MED13L: variants seen among roughly 807,000 people sequenced by gnomAD.
MED13L encodes the protein mediator of RNA polymerase II transcription subunit 13-like.
In MED13L, 7 loss-of-function variants were observed where a neutral mutation model predicts 220.9. That is an observed-to-expected ratio of 0.03 (90% CI 0.02 to 0.06). The LOEUF (loss-of-function observed/expected upper bound fraction) is 0.06. Among genes scored for constraint, MED13L ranks in the 10% least tolerant of loss-of-function variants. The pLI, the probability that MED13L is intolerant of heterozygous loss-of-function variation, is 1.00. For synonymous variants in MED13L, 1,011 were observed against 1,015.2 expected (o/e 1.00, Z 0.08); for missense variants, 1,965 against 2,760.5 (o/e 0.71, Z 6.46).
At chr12:116,252,055 T>C (rs1871612885) in intron 1 of MED13L, among the ~76,000 whole-genome samples, 1 of 151,830 alleles carries the variant, frequency 6.6e-6, no homozygotes, top group Non-Finnish European at 1.5e-5. Flanking sequence ...AGGAAAAACA[T>C]CTGAAAAAGA....
chr12:116,010,293 G>C (rs2137393146), intron 9 of MED13L, among the ~76,000 whole-genome samples: 1 of 152,316 alleles, frequency 6.6e-6, no homozygotes, highest in South Asian at 2.1e-4. Flanking sequence ...TGGTACCACA[G>C]TAACATGTGA....
rs753935595 is a variant in MED13L, at chr12:115,983,095, T to C, written c.4955+22A>G. 1.2e-5 allele frequency: 20 copies of C among 1,610,690 alleles called. No homozygotes were observed. The South Asian group carries it at 1.4e-4, about 12-fold the overall frequency. On this transcript the variant is annotated intron_variant, in intron 21 of 30. Transcript: ENST00000281928. The stretch of plus-strand genomic sequence containing the variant: ...AAAGGGTCTGAGCTGAAGCCACTCA[T>C]CTCAATTAGTGAATAACATACCTCT...
chr12:116,176,594 G>A (rs1326892230), intron 2 of MED13L, among the ~76,000 whole-genome samples: 1 of 152,106 alleles, frequency 6.6e-6, no homozygotes, highest in Non-Finnish European at 1.5e-5. Flanking sequence ...ATTGCCAAGG[G>A]TTGAGGATAA....
chr12:116,231,808 A>T (rs1368311264), intron 2 of MED13L, among the ~76,000 whole-genome samples: 1 of 152,190 alleles, frequency 6.6e-6, no homozygotes. Context: ...GTTTAGGTGG[A>T]AAAAGAGGCA....
At chr12:116,275,416 A>T (rs1051611209) in intron 1 of MED13L, among the ~76,000 whole-genome samples, 42 of 152,186 alleles carry the variant, frequency 2.8e-4, no homozygotes, top group African/African-American at 9.4e-4. Context: ...ATTTAAAAAA[A>T]TTTACCTGAT....
Position 116,003,094 on chromosome 12 carries a change from T to A in MED13L, c.2478A>T (p.Ser826=). The A allele has an allele frequency of 6.2e-7, 1 of 1,613,874 alleles. No individual in the cohort carries two copies. Among genetic ancestry groups the A allele is most frequent in the East Asian group, 2.2e-5 (1 of 44,872 alleles). The change falls in exon 14 of 31, where the codon TCA becomes TCT. Residue 826 remains serine, a synonymous_variant. Transcript: ENST00000281928. The stretch of plus-strand genomic sequence containing the variant: ...GCATTTTTGATGAGCGCAGAGCAGG[T>A]GATACAGCCTAAGAACAGACGGTGT... ...NSDDDELGAV[S]PALRSSKMPA...
intron 2 of MED13L, among the ~76,000 whole-genome samples, chr12:116,154,662 T>C (rs1404855611): frequency 3.3e-5 from 5 of 152,190 alleles, no homozygotes; most frequent in African/African-American, 9.6e-5. Context: ...CTCAATAAAA[T>C]GTCAAGTACC....
intron 2 of MED13L, among the ~76,000 whole-genome samples, chr12:116,137,296 TACTC>T (rs1404769164): frequency 1.3e-5 from 2 of 152,218 alleles, no homozygotes; most frequent in Non-Finnish European, 2.9e-5. Flanking sequence ...AGCTATCAAT[TACTC>T]AGTGATAATT....
intron 4 of MED13L, among the ~76,000 whole-genome samples, chr12:116,055,580 T>C (rs539066070): frequency 7.9e-5 from 12 of 152,296 alleles, no homozygotes; most frequent in East Asian, 3.9e-4. Flanking sequence ...ATGCATTTCA[T>C]AGCTGGGAAG....
intron 2 of MED13L, among the ~76,000 whole-genome samples, chr12:116,155,563 T>C (rs1468913821): frequency 6.6e-6 from 1 of 152,170 alleles, no homozygotes; most frequent in Non-Finnish European, 1.5e-5. Context: ...GTATTTCACG[T>C]TTTCTCATGA....
intron 2 of MED13L, among the ~76,000 whole-genome samples, chr12:116,139,163 CCT>C (rs767379943): frequency 1.4e-4 from 22 of 152,100 alleles, no homozygotes; most frequent in East Asian, 5.8e-4. Context: ...GCAAAGACCC[CCT>C]GAGTCAAGAA....
chr12:115,992,069 A>C (rs1592924654), intron 16 of MED13L, 112 bp from the exon 17 acceptor site: 3 of 941,588 alleles, frequency 3.2e-6, no homozygotes, highest in Non-Finnish European at 5.0e-6. Flanking sequence ...TGTTTCTGCT[A>C]TCACTGGGAT....
intron 13 of MED13L, among the ~76,000 whole-genome samples, chr12:116,004,496 T>C (rs1878928332): frequency 6.6e-6 from 1 of 152,118 alleles, no homozygotes; most frequent in Admixed American, 6.6e-5. Flanking sequence ...AAAATAGCCC[T>C]TCTGCCAGTT....
Position 115,997,237 on chromosome 12 carries a change from A to G in MED13L, c.2570-7T>C, listed in dbSNP as rs768826816. On this transcript the variant is annotated splice_polypyrimidine_tract_variant and splice_region_variant and intron_variant, in intron 14 of 30. Coordinates refer to ENST00000281928, the MANE Select transcript of MED13L (RefSeq NM_015335.5). Reference sequence around the variant, plus strand: ...CTTTGCAAGTCTGCAACTGCTAAAAATAAGAAATAAAAAAAATTTGTTTAA... The same window carrying G: ...CTTTGCAAGTCTGCAACTGCTAAAAGTAAGAAATAAAAAAAATTTGTTTAA... 3.3e-5 allele frequency: 53 copies of G among 1,613,216 alleles called. No individual in the cohort carries two copies. Among genetic ancestry groups the G allele is most frequent in the Admixed American group, 1.3e-4 (8 of 59,982 alleles).
intron 3 of MED13L, among the ~76,000 whole-genome samples, chr12:116,102,703 CTTTTTTCTTTTTTTTTTT>C (rs1450926962): frequency 1.6e-5 from 1 of 63,204 alleles, no homozygotes; most frequent in African/African-American, 5.4e-5. Flanking sequence ...TTTTCTTTTT[CTTTTTTCTTTTTTTTTTT>C]TTTTTTTTTT....
intron 4 of MED13L, among the ~76,000 whole-genome samples, chr12:116,082,924 A>G (rs1871328389): frequency 6.6e-6 from 1 of 152,224 alleles, no homozygotes; most frequent in Non-Finnish European, 1.5e-5. Context: ...ACATCAAATG[A>G]TTTGAAAGAG....
chr12:116,203,377 T>C (rs1882120861), intron 2 of MED13L, among the ~76,000 whole-genome samples: 1 of 151,976 alleles, frequency 6.6e-6, no homozygotes, highest in Non-Finnish European at 1.5e-5. Context: ...AACAGTAACT[T>C]TTCTGAAGCT....
At chr12:116,128,925 C>A (rs1330677205) in intron 2 of MED13L, among the ~76,000 whole-genome samples, 1 of 151,906 alleles carries the variant, frequency 6.6e-6, no homozygotes, top group African/African-American at 2.4e-5. Context: ...CTTTTATTTT[C>A]CCTTGAAGAA....
chr12:116,137,028 T>C (rs535483515), intron 2 of MED13L, among the ~76,000 whole-genome samples: 2 of 152,346 alleles, frequency 1.3e-5, no homozygotes, highest in East Asian at 1.9e-4. Context: ...TGTGTTGGAA[T>C]AGTCTTCTCC....
Sources: gnomAD v4.1 joint callset for allele counts (sites outside exome capture counted in the v4.1 genomes callset) on GRCh38, gnomAD v4.1.1 for gene constraint, MANE v1.5 for transcripts, NCBI Gene and HGNC (gene_info 2026-07-23, HGNC 2026-07-21) for gene names.